The following MACO1 variants were observed in gnomAD, a reference collection of about 807,000 sequenced individuals.
MACO1 encodes macoilin 1.
A neutral mutation model predicts 78.7 loss-of-function variants in MACO1; 14 were observed. That is an observed-to-expected ratio of 0.18 (90% confidence interval 0.12 to 0.28). The LOEUF (loss-of-function observed/expected upper bound fraction) is 0.28. Among genes scored for constraint, MACO1 ranks in the 10% least tolerant of loss-of-function variants. The pLI is 1.00. For synonymous variants in MACO1, 288 were observed against 291.6 expected (o/e 0.99, Z 0.12); for missense variants, 501 against 799.0 (o/e 0.63, Z 4.50).
intron 1 of MACO1, among the ~76,000 whole-genome samples, chr1:25,444,576 GT>G (rs947043238): frequency 6.6e-6 from 1 of 151,954 alleles, no homozygotes; most frequent in Non-Finnish European, 1.5e-5. Flanking sequence ...AGTCAGTTGT[GT>G]TTTTTTGTTT....
rs115212883 is a variant in MACO1, at chr1:25,447,008, G to T, written c.222+105G>T. The T allele has an allele frequency of 2.0e-3, 2,699 of 1,345,266 alleles. 41 individuals carry two copies. The African/African-American group carries it at 0.035, about 17-fold the overall frequency. The allele number at this position is 1,345,266 out of a possible 1,614,324, so 83.3% of individuals were successfully genotyped here. On this transcript the variant is annotated intron_variant, in intron 2 of 10. Transcript: ENST00000374343. ...AACTATGTTAGGATTAGCTAATAGG[G>T]TCTGTTAACTGAAATTGACCTCTAA...
At chr1:25,484,953 A>G (rs757527370) in intron 7 of MACO1, among the ~76,000 whole-genome samples, 5 of 152,190 alleles carry the variant, frequency 3.3e-5, no homozygotes, top group African/African-American at 1.2e-4. Context: ...GCCTCTGACC[A>G]GCATTTGTGG....
chr1:25,484,233 A>G lies in MACO1; in HGVS notation c.1272A>G (p.Glu424=). The change falls in exon 7 of 11, where the codon GAA becomes GAG. Residue 424 remains glutamate, a synonymous_variant. Transcript: ENST00000374343. The part of the protein sequence containing the change: ...LSSTERGIRS[E]MGQLRQENEL... ...GCACCGAGCGAGGGATCCGCTCAGA[A>G]ATGGGCCAGCTTCGGCAGGAGAACG... 1 of 1,613,666 alleles carries G rather than the reference A, an allele frequency of 6.2e-7. No homozygotes were observed. Among genetic ancestry groups the G allele is most frequent in the Non-Finnish European group, 8.5e-7 (1 of 1,179,936 alleles).
Position 25,491,761 on chromosome 1 carries a change from A to G in MACO1, c.1792+177A>G, listed in dbSNP as rs531444777. ...ATCACATTAATTCATTTGCAGACAT[A>G]TTTTGAGATGAGAACATGTCAAGTG... On this transcript the variant is annotated intron_variant, in intron 10 of 10. Transcript: ENST00000374343. Among the ~76,000 whole-genome samples, 22 of 152,366 alleles carry G rather than the reference A, an allele frequency of 1.4e-4. No individual in the cohort carries two copies. The South Asian group carries it at 3.1e-3, about 22-fold the overall frequency.
chr1:25,459,673 C>T (rs1471388727), intron 6 of MACO1, among the ~76,000 whole-genome samples: 3 of 151,986 alleles, frequency 2.0e-5, no homozygotes, highest in Admixed American at 6.6e-5. Context: ...GACAGGATTT[C>T]ACCATGTTGC....
chr1:25,439,716 T>A (rs1399896148), intron 1 of MACO1, among the ~76,000 whole-genome samples: 4 of 151,838 alleles, frequency 2.6e-5, no homozygotes, highest in Admixed American at 6.6e-5. Context: ...TGGATCTCTT[T>A]ACACTCTTAA....
At chr1:25,495,476 T>C (rs545066010) in intron 10 of MACO1, among the ~76,000 whole-genome samples, 2 of 152,326 alleles carry the variant, frequency 1.3e-5, no homozygotes, top group Admixed American at 1.3e-4. Flanking sequence ...GATGCTTCCT[T>C]GAAGCTTAGG....
At chr1:25,450,935 C>T (rs529930648) in intron 3 of MACO1, among the ~76,000 whole-genome samples, 14 of 152,214 alleles carry the variant, frequency 9.2e-5, no homozygotes, top group South Asian at 2.1e-4. Flanking sequence ...TGAGCTGTGG[C>T]GATTTCTTAA....
intron 5 of MACO1, 116 bp from the exon 6 acceptor site, chr1:25,458,275 A>G (rs1051362221): frequency 4.0e-5 from 57 of 1,412,938 alleles, no homozygotes; most frequent in Non-Finnish European, 6.6e-6. Flanking sequence ...TGAGTGTGCA[A>G]ACTAATGTGA....
intron 6 of MACO1, among the ~76,000 whole-genome samples, chr1:25,473,982 C>A (rs371392753): frequency 6.6e-6 from 1 of 152,310 alleles, no homozygotes; most frequent in South Asian, 2.1e-4. Context: ...TTACTCCCCC[C>A]ACACTCTGCT....
intron 6 of MACO1, among the ~76,000 whole-genome samples, chr1:25,474,368 T>G (rs905234791): frequency 4.6e-5 from 7 of 152,248 alleles, no homozygotes; most frequent in African/African-American, 1.7e-4. Context: ...TTGCTCCCTC[T>G]AGCCCTCTGG....
In MACO1 at chr1:25,458,622, G is replaced by A. The variant is rs759439082; in HGVS notation, c.884G>A (p.Ser295Asn). Residue 295 changes from serine to asparagine, a missense_variant, in exon 6 of 11, where the codon AGT becomes AAT. Physicochemically the swap from Ser to Asn is conservative, Grantham distance 46. This residue lies in a region of MACO1 where 90 missense variants were observed against 85.7 expected (regional missense o/e 1.05). Coordinates refer to ENST00000374343, the MANE Select transcript of MACO1 (RefSeq NM_018202.6). ...EIEYMENHIN[S>N]KRLNNDLVGS... is the part of the protein sequence containing the mutation. ...GAGTATATGGAAAACCATATCAATA[G>A]TAAAAGATTAAATAATGATCTTGTG... 5.6e-6 allele frequency: 9 copies of A among 1,614,042 alleles called. No homozygotes were observed. Among genetic ancestry groups the A allele is most frequent in the East Asian group, 2.2e-5 (1 of 44,880 alleles).
rs2043421502 is a variant in MACO1 at position 25,485,500 on chromosome 1, G to C, written c.1314-113G>C. On this transcript the variant is annotated intron_variant, in intron 7 of 10. Coordinates refer to ENST00000374343, the MANE Select transcript of MACO1 (RefSeq NM_018202.6). The surrounding 1 kb of genome is among the most constrained non-coding windows in gnomAD (Gnocchi z 4.3). ...TTCTGGGCATTGACATTTTTGATTTGCTGTTCAAACCTCCTGTTTAATTGG... is the reference window on the plus strand; with the variant it reads ...TTCTGGGCATTGACATTTTTGATTTCCTGTTCAAACCTCCTGTTTAATTGG... The C allele has an allele frequency of 9.3e-7, 1 of 1,075,956 alleles. No homozygotes were observed. Among genetic ancestry groups the C allele is most frequent in the Non-Finnish European group, 1.3e-6 (1 of 756,616 alleles). The allele number at this position is 1,075,956 out of a possible 1,614,324, so 66.7% of individuals were successfully genotyped here.
chr1:25,431,640 C>T (rs1224491431), intron 1 of MACO1, among the ~76,000 whole-genome samples: 2 of 152,028 alleles, frequency 1.3e-5, no homozygotes, highest in Non-Finnish European at 2.9e-5. Context: ...GTGGGGGAGG[C>T]TGACAAAGTT....
intron 1 of MACO1, 104 bp from the exon 2 acceptor site, chr1:25,446,658 A>T: frequency 1.8e-6 from 2 of 1,113,630 alleles, no homozygotes; most frequent in South Asian, 1.7e-5. Flanking sequence ...TTTTCATGAT[A>T]TATGGAGGTA....
At chr1:25,462,143 A>G (rs1489893892) in intron 6 of MACO1, among the ~76,000 whole-genome samples, 1 of 152,216 alleles carries the variant, frequency 6.6e-6, no homozygotes, top group Non-Finnish European at 1.5e-5. Context: ...TGGACTCAGC[A>G]GTCTCTAAGA....
chr1:25,486,970 C>T (rs995796570), intron 8 of MACO1, among the ~76,000 whole-genome samples: 13 of 152,148 alleles, frequency 8.5e-5, no homozygotes, highest in African/African-American at 2.9e-4. Context: ...TCAATTCATA[C>T]AGCACCTGCC....
chr1:25,437,173 C>T (rs12070691), intron 1 of MACO1, among the ~76,000 whole-genome samples: 9,303 of 149,442 alleles, frequency 0.062, 895 homozygotes, highest in African/African-American at 0.21. Flanking sequence ...CTCATTCTGT[C>T]GCCCAGGCTG....
chr1:25,482,927 T>G (rs2043392949), intron 6 of MACO1, among the ~76,000 whole-genome samples: 1 of 152,260 alleles, frequency 6.6e-6, no homozygotes, highest in South Asian at 2.1e-4. Flanking sequence ...ATATATTTAA[T>G]CATGGCCTTC....
Sources: allele counts gnomAD v4.1 joint callset (sites outside exome capture counted in the v4.1 genomes callset), GRCh38; gene constraint gnomAD v4.1.1; regional missense constraint gnomAD v4.1.1; non-coding constraint Gnocchi (gnomAD v3.1); transcripts MANE v1.5; gene names NCBI Gene and HGNC (gene_info 2026-07-23, HGNC 2026-07-21).